Variants in LY75 observed in about 807,000 individuals in gnomAD.
The protein encoded by LY75 is C-type lectin domain family 13 member B.
In LY75, 185 loss-of-function variants were observed where a neutral mutation model predicts 231.7. That is an observed-to-expected ratio of 0.80 (90% confidence interval 0.71 to 0.90). The LOEUF (loss-of-function observed/expected upper bound fraction) is 0.90. Ranked by LOEUF, LY75 falls within the 40% of genes least tolerant of loss-of-function variation. LY75 has a pLI of 0.00. For missense variants in LY75, 1,947 were observed against 2,050.2 expected (o/e 0.95, Z 0.97); for synonymous variants, 668 against 689.0 (o/e 0.97, Z 0.48).
intron 20 of LY75, 43 bp from the exon 21 acceptor site, chr2:159,852,383 A>G: frequency 6.3e-7 from 1 of 1,575,426 alleles, no homozygotes; most frequent in Non-Finnish European, 8.6e-7. Context: ...AGAATTTTTC[A>G]GTCAGTACAT....
At chr2:159,814,733 ACT>A (rs1319467733) in intron 31 of LY75, among the ~76,000 whole-genome samples, 1 of 151,186 alleles carries the variant, frequency 6.6e-6, no homozygotes, top group Non-Finnish European at 1.5e-5. Context: ...AAGAAAAGAA[ACT>A]CTCTTAGAAA....
intron 14 of LY75, among the ~76,000 whole-genome samples, chr2:159,863,078 G>T (rs1281074706): frequency 6.7e-6 from 1 of 150,044 alleles, no homozygotes; most frequent in African/African-American, 2.5e-5. Context: ...TTCTGTGCCT[G>T]GCTTCTTTCA....
intron 29 of LY75, among the ~76,000 whole-genome samples, chr2:159,819,274 A>G (rs2556092): frequency 0.098 from 14,953 of 152,248 alleles, 1,206 homozygotes; most frequent in East Asian, 0.25. Flanking sequence ...TTATTTAAAG[A>G]TTAAGCAAGG....
chr2:159,836,207 G>A (rs995115780), intron 25 of LY75, among the ~76,000 whole-genome samples: 5 of 152,142 alleles, frequency 3.3e-5, no homozygotes, highest in Non-Finnish European at 4.4e-5. Flanking sequence ...ACCAAGTTAA[G>A]TGTGACACTT....
intron 28 of LY75, among the ~76,000 whole-genome samples, chr2:159,823,599 C>T (rs1239089094): frequency 6.6e-6 from 1 of 152,090 alleles, no homozygotes; most frequent in Admixed American, 6.5e-5. Context: ...ACACAGAGAA[C>T]AACCCAAAGA....
Position 159,870,658 on chromosome 2 carries a change from C to A in LY75, c.2117+1793G>T, listed in dbSNP as rs993445651. On this transcript the variant is annotated intron_variant, in intron 13 of 34. Transcript: ENST00000263636. ...TAACCAGGACTACAGGTGTGTGCCA[C>A]CATGCCCAGCTAATTCTTTTTTTTT... 4.8e-5 allele frequency among the ~76,000 whole-genome samples: 7 copies of A among 145,938 alleles called. No homozygotes were observed. The East Asian group carries it at 1.0e-3, about 21-fold the overall frequency.
Position 159,815,467 on chromosome 2 carries a change from G to A in LY75, c.4487C>T (p.Thr1496Ile). Residue 1496 changes from threonine to isoleucine, a missense_variant, in exon 31 of 35, where the codon ACT becomes ATT. Thr to Ile is a moderately conservative substitution (Grantham distance 89, BLOSUM62 -1). Coordinates refer to ENST00000263636, the MANE Select transcript of LY75 (RefSeq NM_002349.4). ...GNCVLLDPKGTWKHEKCNSVK... is the reference protein window; with the variant it reads ...GNCVLLDPKGIWKHEKCNSVK... Reference sequence around the variant, plus strand: ...AGAGTTGCATTTTTCATGTTTCCAAGTTCCTTTTGGATCCAAGAGAACACA... The same window carrying A: ...AGAGTTGCATTTTTCATGTTTCCAAATTCCTTTTGGATCCAAGAGAACACA... 1.2e-6 allele frequency: 2 copies of A among 1,613,448 alleles called. No homozygotes were observed. Among genetic ancestry groups the A allele is most frequent in the Non-Finnish European group, 1.7e-6 (2 of 1,179,832 alleles).
chr2:159,842,522 A>T, intron 23 of LY75, 148 bp from the exon 24 acceptor site: 7 of 1,082,332 alleles, frequency 6.5e-6, no homozygotes, highest in Non-Finnish European at 8.5e-6. Flanking sequence ...GAAAATCTTT[A>T]AAAACTTTCA....
intron 14 of LY75, among the ~76,000 whole-genome samples, chr2:159,864,432 G>C (rs1684799850): frequency 6.6e-6 from 1 of 152,036 alleles, no homozygotes; most frequent in Non-Finnish European, 1.5e-5. Context: ...TATGAGATAA[G>C]GGTTTAATCT....
At chr2:159,820,655 C>A (rs1159177163) in intron 28 of LY75, among the ~76,000 whole-genome samples, 2 of 152,158 alleles carry the variant, frequency 1.3e-5, no homozygotes, top group Non-Finnish European at 2.9e-5. Flanking sequence ...AACCAACCAC[C>A]ACCTGTTCCC....
intron 1 of LY75, among the ~76,000 whole-genome samples, chr2:159,901,971 A>G (rs1686096309): frequency 6.6e-6 from 1 of 152,166 alleles, no homozygotes; most frequent in Non-Finnish European, 1.5e-5. Context: ...CAGTCTTACG[A>G]CCCTTATTGG....
At position 159,850,789 on chromosome 2, in the gene LY75, T is replaced by TATATATATATAA. The variant is rs796940571; in HGVS notation, c.2884-323_2884-322insTTATATATATAT. 6.8e-5 allele frequency among the ~76,000 whole-genome samples: 6 copies of TATATATATATAA among 88,666 alleles called. No individual in the cohort carries two copies. The East Asian group carries it at 7.2e-4, about 11-fold the overall frequency. The allele number at this position is 88,666 out of a possible 152,430, so 58.2% of individuals were successfully genotyped here. A position where few individuals can be genotyped will look rare whatever the true frequency, so the allele number is the denominator to read the frequency against. Reference sequence around the variant, plus strand: ...TCAAACTTTCATATATATATATATATATATATATATTATATCTTATATATA... The same window carrying TATATATATATAA: ...TCAAACTTTCATATATATATATATATATATATATATAAATATATATATTATATCTTATATATA... On this transcript the variant is annotated intron_variant, in intron 21 of 34. Transcript: ENST00000263636.
chr2:159,898,874 C>T lies in LY75; in HGVS notation c.280G>A (p.Glu94Lys), dbSNP rs769682476. ...LGLDITKSVN[E>K]LRMFSCDSSA... is the part of the protein sequence containing the mutation. The stretch of plus-strand genomic sequence containing the variant: ...GAGTCACAGCTGAACATTCTCAGCT[C>T]ATTTACCGATTTGGTAATATCGAGG... Residue 94 changes from glutamate to lysine, a missense_variant, in exon 2 of 35, where the codon GAG becomes AAG. Coordinates refer to ENST00000263636, the MANE Select transcript of LY75 (RefSeq NM_002349.4). 3 of 1,614,196 alleles carry T rather than the reference C, an allele frequency of 1.9e-6. No homozygotes were observed. Among genetic ancestry groups the T allele is most frequent in the African/African-American group, 2.7e-5 (2 of 75,050 alleles).
intron 28 of LY75, among the ~76,000 whole-genome samples, chr2:159,824,915 C>A (rs930331530): frequency 1.3e-5 from 2 of 152,100 alleles, no homozygotes; most frequent in Admixed American, 6.5e-5. Flanking sequence ...CCAATGAGAA[C>A]AAAGACACAA....
At chr2:159,881,326 T>G in intron 7 of LY75, 86 bp from the exon 8 acceptor site, 1 of 1,428,106 alleles carries the variant, frequency 7.0e-7, no homozygotes, top group Non-Finnish European at 9.3e-7. Flanking sequence ...TATATTCTGA[T>G]ATGGAGTTTT....
chr2:159,834,695 C>T (rs1683768018), intron 26 of LY75, among the ~76,000 whole-genome samples: 1 of 152,222 alleles, frequency 6.6e-6, no homozygotes, highest in African/African-American at 2.4e-5. Context: ...TATTTAAAAT[C>T]TGACATCTAC....
intron 13 of LY75, 27 bp downstream of exon 13, chr2:159,872,424 T>C (rs756303419): frequency 3.7e-6 from 6 of 1,609,158 alleles, no homozygotes; most frequent in African/African-American, 2.7e-5. Flanking sequence ...AAATTCAGCA[T>C]AGAAATTCTC....
chr2:159,818,797 G>T (rs943133466), intron 29 of LY75, among the ~76,000 whole-genome samples: 1 of 140,446 alleles, frequency 7.1e-6, no homozygotes, highest in South Asian at 2.1e-4. Flanking sequence ...GTTTATTAAA[G>T]ATGTAAAAAA....
At chr2:159,836,448 AC>A (rs1245301647) in intron 25 of LY75, among the ~76,000 whole-genome samples, 1 of 152,046 alleles carries the variant, frequency 6.6e-6, no homozygotes, top group Non-Finnish European at 1.5e-5. Context: ...GGTCCTGACC[AC>A]CCATCTAGGT....
Sources: allele counts gnomAD v4.1 joint callset (sites outside exome capture counted in the v4.1 genomes callset), GRCh38; gene constraint gnomAD v4.1.1; transcripts MANE v1.5; gene names NCBI Gene and HGNC (gene_info 2026-07-23, HGNC 2026-07-21).